Variants in PPFIA1 observed in about 807,000 individuals in gnomAD.
PPFIA1 encodes the protein liprin-alpha-1.
In PPFIA1, 25 loss-of-function variants were observed where a neutral mutation model predicts 149.9. That is an observed-to-expected ratio of 0.17 (90% confidence interval 0.12 to 0.23). The LOEUF is 0.23. PPFIA1 is among the 10% of genes least tolerant of loss of function. PPFIA1 has a pLI of 1.00. For missense variants in PPFIA1, 1,362 were observed against 1,506.5 expected (o/e 0.90, Z 1.59); for synonymous variants, 549 against 552.8 (o/e 0.99, Z 0.10).
At chr11:70,280,211 T>C (rs2050667279) in intron 2 of PPFIA1, among the ~76,000 whole-genome samples, 1 of 138,232 alleles carries the variant, frequency 7.2e-6, no homozygotes, top group Middle Eastern at 3.6e-3. Context: ...TGTGTATATA[T>C]GTGTGTATAT....
chr11:70,283,112 T>A (rs954094352), intron 2 of PPFIA1, among the ~76,000 whole-genome samples: 5 of 151,838 alleles, frequency 3.3e-5, no homozygotes, highest in African/African-American at 9.7e-5. Context: ...AGTGCTGGGA[T>A]TACAGGCATG....
At chr11:70,313,952 A>G (rs1449247803) in intron 2 of PPFIA1, among the ~76,000 whole-genome samples, 1 of 152,172 alleles carries the variant, frequency 6.6e-6, no homozygotes, top group Non-Finnish European at 1.5e-5. Flanking sequence ...TAGGAAGTCA[A>G]GGTTTCAGTG....
At chr11:70,354,483 C>T (rs748612647) in intron 17 of PPFIA1, 31 bp downstream of exon 17, 8 of 1,567,894 alleles carry the variant, frequency 5.1e-6, no homozygotes, top group South Asian at 4.7e-5. Context: ...CCATGCAGAG[C>T]GCACCTGTCT....
At chr11:70,372,156 G>A in intron 21 of PPFIA1, 59 bp from the exon 22 acceptor site, 1 of 1,461,738 alleles carries the variant, frequency 6.8e-7, no homozygotes, top group Non-Finnish European at 9.2e-7. Flanking sequence ...TTTTAAAAAT[G>A]ATATAAACTA....
At chr11:70,287,885 G>T (rs2051254662) in intron 2 of PPFIA1, among the ~76,000 whole-genome samples, 1 of 151,698 alleles carries the variant, frequency 6.6e-6, no homozygotes, top group African/African-American at 2.4e-5. Context: ...GGGCTCAAGT[G>T]ATCCTCCTAC....
chr11:70,348,004 A>C (rs539330794), intron 15 of PPFIA1, among the ~76,000 whole-genome samples, 185 bp from the exon 16 acceptor site: 1 of 152,210 alleles, frequency 6.6e-6, no homozygotes, highest in Middle Eastern at 3.2e-3. Context: ...CTCCATCTCA[A>C]AAGAAAAATA....
At chr11:70,377,438 A>G (rs1339422811) in intron 25 of PPFIA1, among the ~76,000 whole-genome samples, 1 of 148,950 alleles carries the variant, frequency 6.7e-6, no homozygotes, top group Non-Finnish European at 1.5e-5. Flanking sequence ...AGAATAGAAG[A>G]CCACCTCTAA....
chr11:70,369,159 C>T (rs931590662), intron 21 of PPFIA1, among the ~76,000 whole-genome samples: 6 of 152,100 alleles, frequency 3.9e-5, no homozygotes, highest in African/African-American at 1.4e-4. Context: ...CCAGTTGAGG[C>T]ACTTTTCTTA....
At chr11:70,348,857 TGA>T (rs1368458986) in intron 16 of PPFIA1, among the ~76,000 whole-genome samples, 3 of 151,998 alleles carry the variant, frequency 2.0e-5, no homozygotes, top group African/African-American at 7.3e-5. Flanking sequence ...GGCAGCAGAG[TGA>T]GACCCTGTCT....
chr11:70,279,266 C>T (rs2050596689), intron 2 of PPFIA1: 1 of 278,390 alleles, frequency 3.6e-6, no homozygotes, highest in African/African-American at 2.2e-5. Flanking sequence ...GTTGGCCTTT[C>T]TGGAGTCCTT....
intron 2 of PPFIA1, among the ~76,000 whole-genome samples, chr11:70,285,414 C>T (rs896985541): frequency 4.6e-5 from 7 of 151,538 alleles, no homozygotes; most frequent in East Asian, 2.0e-4. Context: ...AAACTCTTGC[C>T]GGGTGCGGTG....
At chr11:70,357,614 T>C (rs1222038008) in intron 19 of PPFIA1, among the ~76,000 whole-genome samples, 2 of 148,112 alleles carry the variant, frequency 1.4e-5, no homozygotes, top group East Asian at 3.9e-4. Flanking sequence ...TGAGATGGAG[T>C]CTCGCTCTGT....
chr11:70,289,806 G>A (rs2051401920), intron 2 of PPFIA1, among the ~76,000 whole-genome samples: 1 of 152,362 alleles, frequency 6.6e-6, no homozygotes, highest in Middle Eastern at 3.4e-3. Context: ...ACCAGGTGTG[G>A]TGGCACACAC....
rs912721176 is a variant in PPFIA1 at position 70,330,104 on chromosome 11, C to G, written c.931-69C>G. On this transcript the variant is annotated intron_variant, in intron 7 of 27. Coordinates refer to ENST00000253925, the MANE Select transcript of PPFIA1 (RefSeq NM_003626.5). ...TTGGGATTTACTTCAGTTTTTTTCT[C>G]TCTTAAGTATCTTAATGTGTAATCG... is the stretch of plus-strand genomic sequence containing the variant. 37 of 1,398,216 alleles carry G rather than the reference C, an allele frequency of 2.6e-5. No individual in the cohort carries two copies. In the South Asian group the frequency reaches 4.5e-4, roughly 17 times the overall value. The allele number at this position is 1,398,216 out of a possible 1,614,324, so 86.6% of individuals were successfully genotyped here. A position where few individuals can be genotyped will look rare whatever the true frequency, so the allele number is the denominator to read the frequency against.
intron 2 of PPFIA1, among the ~76,000 whole-genome samples, chr11:70,286,754 CTTTTTTT>C (rs957912008): frequency 8.1e-6 from 1 of 124,004 alleles, no homozygotes; most frequent in Non-Finnish European, 1.7e-5. Context: ...TTCTTTCTTT[CTTTTTTT>C]TTTTTTTTTT....
intron 15 of PPFIA1, chr11:70,346,135 A>G (rs1216345804): frequency 3.0e-6 from 1 of 332,784 alleles, no homozygotes; most frequent in East Asian, 8.5e-5. Flanking sequence ...TTTTATATTT[A>G]TGAAGAGACC....
intron 2 of PPFIA1, chr11:70,321,555 G>A (rs1329004190): frequency 2.0e-5 from 3 of 152,056 alleles, no homozygotes; most frequent in African/African-American, 7.2e-5. Context: ...AGATAAATTA[G>A]CATCCATGAA....
intron 26 of PPFIA1, among the ~76,000 whole-genome samples, chr11:70,379,481 A>C (rs1175905634): frequency 6.6e-6 from 1 of 151,316 alleles, no homozygotes; most frequent in East Asian, 1.9e-4. Context: ...ATTTTTTTTT[A>C]AGTGCTAATT....
At chr11:70,367,736 C>T (rs1458231665) in intron 21 of PPFIA1, 1 of 382,632 alleles carries the variant, frequency 2.6e-6, no homozygotes, top group Admixed American at 3.5e-5. Context: ...AAGTAGGGTT[C>T]TGCTTCCATG....
Sources: allele counts gnomAD v4.1 joint callset (sites outside exome capture counted in the v4.1 genomes callset), GRCh38; gene constraint gnomAD v4.1.1; transcripts MANE v1.5; gene names NCBI Gene and HGNC (gene_info 2026-07-23, HGNC 2026-07-21).